Variants in ATP2B2 observed in about 807,000 individuals in gnomAD.
The protein encoded by ATP2B2 is ATPase plasma membrane Ca2+ transporting 2.
Under a neutral mutation model 120.0 loss-of-function variants are expected in ATP2B2, and 15 were observed. The observed-to-expected ratio is 0.12, with a 90% CI of 0.08 to 0.19. The LOEUF (loss-of-function observed/expected upper bound fraction) is 0.19. Among genes scored for constraint, ATP2B2 ranks in the 10% least tolerant of loss-of-function variants. The pLI is 1.00. For synonymous variants in ATP2B2, 694 were observed against 700.3 expected (o/e 0.99, Z 0.14); for missense variants, 1,045 against 1,719.8 (o/e 0.61, Z 6.94).
At position 10,512,464 on chromosome 3, in the gene ATP2B2, G is replaced by GCGCGCGCA. The variant is rs749056818; in HGVS notation, c.-320+21574_-320+21575insTGCGCGCG. 8.3e-3 allele frequency among the ~76,000 whole-genome samples: 1,130 copies of GCGCGCGCA among 136,758 alleles called. 12 individuals carry two copies. Among genetic ancestry groups the GCGCGCGCA allele is most frequent in the African/African-American group, 0.03 (1,049 of 34,414 alleles). The allele number at this position is 136,758 out of a possible 152,430, so 89.7% of individuals were successfully genotyped here. A position where few individuals can be genotyped will look rare whatever the true frequency, so the allele number is the denominator to read the frequency against. On this transcript the variant is annotated intron_variant, in intron 3 of 21. Transcript: ENST00000646379. ...TATTCCTGGGTGCTAAAGTGTGTGC[G>GCGCGCGCA]CACACACACACACACACACACACAC... is the stretch of plus-strand genomic sequence containing the variant.
At chr3:10,552,315 C>T (rs2067687319) in intron 2 of ATP2B2, among the ~76,000 whole-genome samples, 1 of 152,212 alleles carries the variant, frequency 6.6e-6, no homozygotes, top group South Asian at 2.1e-4. Context: ...GAGTGGGGCA[C>T]AGAGGGAACA....
chr3:10,632,647 G>A (rs1473993014), intron 1 of ATP2B2, among the ~76,000 whole-genome samples: 1 of 152,212 alleles, frequency 6.6e-6, no homozygotes, highest in Non-Finnish European at 1.5e-5. Context: ...GCCACAAAGG[G>A]ACACTGGGCA....
intron 2 of ATP2B2, among the ~76,000 whole-genome samples, chr3:10,448,058 G>A (rs1213169973): frequency 1.3e-5 from 2 of 152,192 alleles, no homozygotes; most frequent in African/African-American, 4.8e-5. Flanking sequence ...CCAGTGGACT[G>A]CCAGGCAAGC....
intron 1 of ATP2B2, among the ~76,000 whole-genome samples, chr3:10,484,256 G>C (rs950206110): frequency 6.6e-6 from 1 of 152,124 alleles, no homozygotes; most frequent in Non-Finnish European, 1.5e-5. Flanking sequence ...GGGCAGGAGA[G>C]AGTGACCTGA....
At chr3:10,676,458 T>C (rs1309160017) in intron 1 of ATP2B2, among the ~76,000 whole-genome samples, 4 of 152,066 alleles carry the variant, frequency 2.6e-5, no homozygotes, top group African/African-American at 7.2e-5. Flanking sequence ...CTGGCTCATC[T>C]GTTGGGCAGG....
chr3:10,362,821 C>T (rs1318894941), intron 12 of ATP2B2, among the ~76,000 whole-genome samples: 1 of 152,212 alleles, frequency 6.6e-6, no homozygotes, highest in East Asian at 1.9e-4. Context: ...TTCCCTTTCT[C>T]TCTGCAGTAT....
At chr3:10,392,898 G>A (rs1193008251) in intron 5 of ATP2B2, among the ~76,000 whole-genome samples, 1 of 152,246 alleles carries the variant, frequency 6.6e-6, no homozygotes, top group Admixed American at 6.5e-5. Flanking sequence ...CCAGCCTAGG[G>A]CATGTCCTGG....
chr3:10,476,706 C>A (rs891363375), intron 1 of ATP2B2, among the ~76,000 whole-genome samples: 5 of 152,240 alleles, frequency 3.3e-5, no homozygotes, highest in Admixed American at 3.3e-4. Flanking sequence ...TTATTCCAGA[C>A]ACCAAGTTCC....
chr3:10,489,287 C>T (rs1476589222), intron 1 of ATP2B2, among the ~76,000 whole-genome samples: 14 of 152,220 alleles, frequency 9.2e-5, no homozygotes. Context: ...TCTCTCTCCA[C>T]CTGCTCGAAT....
rs2060429055 is a variant in ATP2B2 at position 10,346,248 on chromosome 3, C to G, written c.2405-111G>C. 3 of 1,032,910 alleles carry G rather than the reference C, an allele frequency of 2.9e-6. No individual in the cohort carries two copies. In the African/African-American group the frequency reaches 4.7e-5, roughly 16 times the overall value. The allele number at this position is 1,032,910 out of a possible 1,614,324, so 64.0% of individuals were successfully genotyped here. On this transcript the variant is annotated intron_variant, in intron 16 of 22. Coordinates refer to ENST00000360273, the MANE Select transcript of ATP2B2 (RefSeq NM_001001331.4). This position sits in a 1 kb window ranked among gnomAD's most constrained non-coding sequence, Gnocchi z 4.1. ...CTGGGCATGGCTTCCTCTCTGGTCC[C>G]TGTCCAGCCGCCCCCTCCATCCAGG... is the stretch of plus-strand genomic sequence containing the variant.
chr3:10,694,568 A>G (rs1161874498), intron 1 of ATP2B2, among the ~76,000 whole-genome samples: 1 of 152,204 alleles, frequency 6.6e-6, no homozygotes, highest in African/African-American at 2.4e-5. Context: ...TTTTAATTCA[A>G]GTAGGTGCTG....
chr3:10,626,001 T>C (rs1459204276), intron 1 of ATP2B2: 3 of 152,156 alleles, frequency 2.0e-5, no homozygotes, highest in African/African-American at 7.2e-5. Context: ...TTCCCATTTA[T>C]GGTAGCAATA....
intron 2 of ATP2B2, among the ~76,000 whole-genome samples, chr3:10,414,513 T>C (rs1357574918): frequency 6.6e-6 from 1 of 152,198 alleles, no homozygotes; most frequent in Non-Finnish European, 1.5e-5. Context: ...TTGGCCCTTC[T>C]GAAGAGGACA....
At chr3:10,365,963 C>T (rs1443599486) in intron 12 of ATP2B2, among the ~76,000 whole-genome samples, 1 of 118,384 alleles carries the variant, frequency 8.4e-6, no homozygotes, top group African/African-American at 3.2e-5. Flanking sequence ...ACTCTTCTTC[C>T]AGAGACGGTG....
chr3:10,336,213 C>T, intron 22 of ATP2B2: 7 of 1,550,664 alleles, frequency 4.5e-6, no homozygotes, highest in Non-Finnish European at 6.1e-6. Flanking sequence ...AGATTGGCTA[C>T]ATCCTGGCTC....
intron 1 of ATP2B2, among the ~76,000 whole-genome samples, chr3:10,624,933 A>G (rs1484027181): frequency 1.3e-5 from 2 of 152,140 alleles, no homozygotes; most frequent in Non-Finnish European, 2.9e-5. Context: ...CCCGACCCCC[A>G]CCATGGCACC....
intron 2 of ATP2B2, among the ~76,000 whole-genome samples, chr3:10,596,234 G>A (rs2068761374): frequency 6.6e-6 from 1 of 152,174 alleles, no homozygotes; most frequent in African/African-American, 2.4e-5. Context: ...GTCGAGGTGG[G>A]AGGGATCTGT....
At chr3:10,508,678 C>A (rs572923296), upstream of ATP2B2, among the ~76,000 whole-genome samples, 1 of 152,364 alleles carries the variant, frequency 6.6e-6, no homozygotes, top group Non-Finnish European at 1.5e-5. Context: ...AGCAGATACA[C>A]CTGGGTCATC....
In ATP2B2 at chr3:10,634,004, AAG is replaced by A. The variant is rs200621564; in HGVS notation, c.-459-14045_-459-14044del. Among the ~76,000 whole-genome samples the A allele has an allele frequency of 9.2e-4, 139 of 151,550 alleles. No homozygotes were observed. In the South Asian group the frequency reaches 9.6e-3, roughly 10 times the overall value. On this transcript the variant is annotated intron_variant, in intron 1 of 21. Transcript: ENST00000646379. ...GAATGCCCCACCGCCCAACCCGATC[AAG>A]AGAGAGAGAGATGCACAAGGAGAAC...
Sources: allele counts gnomAD v4.1 joint callset (sites outside exome capture counted in the v4.1 genomes callset), GRCh38; gene constraint gnomAD v4.1.1; non-coding constraint Gnocchi (gnomAD v3.1); transcripts MANE v1.5; gene names NCBI Gene and HGNC (gene_info 2026-07-23, HGNC 2026-07-21).